DNER: variants seen among roughly 807,000 people sequenced by gnomAD.
DNER encodes the protein delta/notch like EGF repeat containing.
Under a neutral mutation model 78.2 loss-of-function variants are expected in DNER, and 33 were observed. The ratio of observed to expected loss-of-function variants is 0.42; its 90% CI spans 0.32 to 0.56. The LOEUF (loss-of-function observed/expected upper bound fraction) is 0.56, where lower values mean the gene tolerates loss of function less well. Ranked by LOEUF, DNER falls within the 20% of genes least tolerant of loss-of-function variation. The pLI is 0.11. For synonymous variants in DNER, 417 were observed against 384.8 expected (o/e 1.08, Z -0.98); for missense variants, 918 against 975.3 (o/e 0.94, Z 0.78).
chr2:229,707,004 AT>A (rs968044713), intron 1 of DNER, among the ~76,000 whole-genome samples: 7 of 151,410 alleles, frequency 4.6e-5, no homozygotes, highest in African/African-American at 1.7e-4. Flanking sequence ...AGAAAAGGTG[AT>A]TTTTTTTGTT....
At position 229,416,360 on chromosome 2, in the gene DNER, G is replaced by C. The variant is rs189664592; in HGVS notation, c.1609+1748C>G. ...TTTTCTCCCTCTCTGAGTTGCTGGC[G>C]TGGGCTAGTGTACTGGCCAGGCTAG... On this transcript the variant is annotated intron_variant, in intron 9 of 12. Coordinates refer to ENST00000341772, the MANE Select transcript of DNER (RefSeq NM_139072.4). Among the ~76,000 whole-genome samples the C allele has an allele frequency of 2.0e-4, 30 of 152,166 alleles. No individual in the cohort carries two copies. In the East Asian group the frequency reaches 5.4e-3, roughly 27 times the overall value.
intron 1 of DNER, among the ~76,000 whole-genome samples, chr2:229,675,382 T>G (rs1699285109): frequency 6.6e-6 from 1 of 152,230 alleles, no homozygotes; most frequent in Non-Finnish European, 1.5e-5. Flanking sequence ...TGCCAGGCAC[T>G]GTCAGTTCTG....
chr2:229,533,750 A>G (rs778193636), intron 5 of DNER, among the ~76,000 whole-genome samples: 9 of 152,210 alleles, frequency 5.9e-5, no homozygotes, highest in Non-Finnish European at 8.8e-5. Flanking sequence ...TTATTCAGAC[A>G]TGGCTATTTG....
At chr2:229,513,023 A>G (rs1223138177) in intron 5 of DNER, 87 bp from the exon 6 acceptor site, 6 of 1,406,250 alleles carry the variant, frequency 4.3e-6, no homozygotes, top group Non-Finnish European at 5.7e-6. Flanking sequence ...TGAAAGAACC[A>G]CTTCCTTTTT....
chr2:229,682,115 G>A (rs1015269659), intron 1 of DNER, among the ~76,000 whole-genome samples: 9 of 152,110 alleles, frequency 5.9e-5, no homozygotes, highest in African/African-American at 1.7e-4. Context: ...TGAGCCTGAA[G>A]GCCACCGCTG....
At chr2:229,459,480 G>A (rs150384528) in intron 7 of DNER, among the ~76,000 whole-genome samples, 3 of 152,042 alleles carry the variant, frequency 2.0e-5, no homozygotes, top group African/African-American at 4.8e-5. Context: ...ACATTATGCC[G>A]AGCAATTGGT....
intron 8 of DNER, among the ~76,000 whole-genome samples, chr2:229,443,139 G>A (rs1364704995): frequency 2.6e-5 from 4 of 152,162 alleles, no homozygotes; most frequent in Admixed American, 2.6e-4. Flanking sequence ...AATCTCCAAT[G>A]CCCTGTCCCT....
chr2:229,634,766 A>C (rs1402388782), intron 1 of DNER, among the ~76,000 whole-genome samples: 1 of 152,112 alleles, frequency 6.6e-6, no homozygotes, highest in Admixed American at 6.6e-5. Flanking sequence ...CACCATGGCA[A>C]CCTGGCTCAG....
intron 5 of DNER, among the ~76,000 whole-genome samples, chr2:229,515,026 T>A (rs6729009): frequency 0.38 from 57,569 of 151,876 alleles, 11,259 homozygotes; most frequent in South Asian, 0.46. Context: ...TAATTTTTTT[T>A]AAAAAAATCC....
chr2:229,666,979 T>C (rs1239166634), intron 1 of DNER, among the ~76,000 whole-genome samples: 5 of 152,082 alleles, frequency 3.3e-5, no homozygotes, highest in Non-Finnish European at 7.3e-5. Flanking sequence ...CCAACAAAGG[T>C]CACATTTGGG....
At chr2:229,582,575 A>G (rs142174212) in intron 4 of DNER, among the ~76,000 whole-genome samples, 1 of 152,344 alleles carries the variant, frequency 6.6e-6, no homozygotes, top group African/African-American at 2.4e-5. Context: ...ACTCAAAATC[A>G]TTGCTTTCTC....
At chr2:229,529,882 C>A (rs1350444453) in intron 5 of DNER, among the ~76,000 whole-genome samples, 1 of 151,966 alleles carries the variant, frequency 6.6e-6, no homozygotes, top group Non-Finnish European at 1.5e-5. Context: ...GTTGGTATAC[C>A]CGTGTGGTCC....
intron 12 of DNER, among the ~76,000 whole-genome samples, chr2:229,362,395 A>G (rs144338621): frequency 2.5e-4 from 38 of 152,280 alleles, no homozygotes; most frequent in African/African-American, 6.7e-4. Context: ...CATGCATGTG[A>G]CGACCCCATA....
At chr2:229,615,178 G>A (rs767819933) in intron 1 of DNER, among the ~76,000 whole-genome samples, 5 of 152,046 alleles carry the variant, frequency 3.3e-5, no homozygotes, top group African/African-American at 7.2e-5. Context: ...TTGGGAGGCC[G>A]AGGCAGGCGG....
At chr2:229,631,943 A>G (rs966720201) in intron 1 of DNER, among the ~76,000 whole-genome samples, 4 of 152,270 alleles carry the variant, frequency 2.6e-5, no homozygotes, top group Non-Finnish European at 5.9e-5. Flanking sequence ...AATTATTTCC[A>G]TTATGGTCAC....
chr2:229,402,088 C>A (rs1693280190), intron 10 of DNER, among the ~76,000 whole-genome samples: 1 of 152,078 alleles, frequency 6.6e-6, no homozygotes, highest in South Asian at 2.1e-4. Flanking sequence ...TAAAATTTCA[C>A]CATCTTGAAG....
At chr2:229,495,680 C>T (rs529015689) in intron 6 of DNER, among the ~76,000 whole-genome samples, 1 of 152,318 alleles carries the variant, frequency 6.6e-6, no homozygotes, top group African/African-American at 2.4e-5. Context: ...TTAAACTTAT[C>T]TAGAGACATC....
At chr2:229,565,050 C>A (rs1697077400) in intron 4 of DNER, among the ~76,000 whole-genome samples, 1 of 152,138 alleles carries the variant, frequency 6.6e-6, no homozygotes, top group Admixed American at 6.6e-5. Flanking sequence ...CATCACCTCT[C>A]AAAAGCCCCA....
chr2:229,410,044 C>A (rs73100238), intron 9 of DNER, among the ~76,000 whole-genome samples: 5,433 of 152,196 alleles, frequency 0.036, 291 homozygotes, highest in African/African-American at 0.12. Flanking sequence ...CCTCACCACT[C>A]CCATTCCCAG....
Sources: allele counts gnomAD v4.1 joint callset (sites outside exome capture counted in the v4.1 genomes callset), GRCh38; gene constraint gnomAD v4.1.1; transcripts MANE v1.5; gene names NCBI Gene and HGNC (gene_info 2026-07-23, HGNC 2026-07-21).